PCDHA5: variants seen among roughly 807,000 people sequenced by gnomAD.
The protein encoded by PCDHA5 is protocadherin alpha-5.
In PCDHA5, 43 loss-of-function variants were observed where a neutral mutation model predicts 61.6. That is an observed-to-expected ratio of 0.70 (90% confidence interval 0.55 to 0.90). PCDHA5 has a LOEUF of 0.90. Among genes scored for constraint, PCDHA5 ranks in the 40% least tolerant of loss-of-function variants. The pLI, the probability that PCDHA5 is intolerant of heterozygous loss-of-function variation, is 0.00. For missense variants in PCDHA5, 1,298 were observed against 1,222.7 expected (o/e 1.06, Z -0.92); for synonymous variants, 627 against 543.9 (o/e 1.15, Z -2.13).
intron 2 of PCDHA5, 179 bp from the exon 3 acceptor site, chr5:140,982,296 C>G (rs886254601): frequency 8.6e-7 from 1 of 1,167,014 alleles, no homozygotes; most frequent in African/African-American, 1.5e-5. Context: ...AGTAAGTCAG[C>G]AATGCTTCTG....
intron 3 of PCDHA5, among the ~76,000 whole-genome samples, chr5:140,995,158 A>G (rs1554254485): frequency 6.6e-6 from 1 of 152,180 alleles, no homozygotes; most frequent in African/African-American, 2.4e-5. Flanking sequence ...TATATACATT[A>G]TGTTCTTTCA....
chr5:140,863,699 T>C, intron 1 of PCDHA5: 1 of 299,368 alleles, frequency 3.3e-6, no homozygotes, highest in Non-Finnish European at 6.5e-6. Context: ...GATGCTTTAT[T>C]TAAAGTACAC....
At chr5:140,928,610 C>T (rs935238036) in intron 1 of PCDHA5, 1 of 1,614,254 alleles carries the variant, frequency 6.2e-7, no homozygotes, top group Non-Finnish European at 8.5e-7. Flanking sequence ...GTGCCCCGCT[C>T]TGCCAGGACT....
chr5:140,844,506 G>T (rs1779414039), intron 1 of PCDHA5, among the ~76,000 whole-genome samples: 1 of 148,856 alleles, frequency 6.7e-6, no homozygotes, highest in South Asian at 2.1e-4. Context: ...CTTTATTCTT[G>T]CAAGTATCTT....
At chr5:140,909,926 A>G (rs781804027) in intron 1 of PCDHA5, among the ~76,000 whole-genome samples, 4 of 152,190 alleles carry the variant, frequency 2.6e-5, no homozygotes, top group Admixed American at 2.6e-4. Flanking sequence ...CCTTTCCCCA[A>G]TCACAGTTAC....
chr5:140,938,875 C>T (rs2092238013), intron 1 of PCDHA5, among the ~76,000 whole-genome samples: 1 of 151,912 alleles, frequency 6.6e-6, no homozygotes. Flanking sequence ...AGTTAAGAAG[C>T]AACACACACA....
chr5:140,851,315 T>C (rs2042026513), intron 1 of PCDHA5: 1 of 992,586 alleles, frequency 1.0e-6, no homozygotes, highest in African/African-American at 1.7e-5. Context: ...AATTGTTACC[T>C]TGTTAAGTTT....
chr5:140,887,101 CT>C (rs200717289), intron 1 of PCDHA5, among the ~76,000 whole-genome samples: 3,245 of 145,086 alleles, frequency 0.022, 87 homozygotes, highest in African/African-American at 0.074. Flanking sequence ...ATCTTTATCT[CT>C]TTTTTTTTTT....
chr5:140,835,675 G>A (rs2150241595), intron 1 of PCDHA5: 3 of 1,613,800 alleles, frequency 1.9e-6, no homozygotes, highest in Admixed American at 1.7e-5. Context: ...CGGGACGGGG[G>A]CTCGCCTTCT....
chr5:140,824,919 C>G (rs1554130098), intron 1 of PCDHA5: 3 of 152,056 alleles, frequency 2.0e-5, no homozygotes, highest in African/African-American at 7.2e-5. Flanking sequence ...CCTGTATACC[C>G]ATGATGAATT....
rs782773036 is a variant in PCDHA5 at position 140,870,430 on chromosome 5, G to T, written c.2352+46303G>T. 3 of 1,614,226 alleles carry T rather than the reference G, an allele frequency of 1.9e-6. No homozygotes were observed. In the African/African-American group the frequency reaches 4.0e-5, roughly 22 times the overall value. The stretch of plus-strand genomic sequence containing the variant: ...GTGGGCCACGGCCAGGGTATCCGTG[G>T]AGGTGGCCGACGTGAACGACAATGC... On this transcript the variant is annotated intron_variant, in intron 1 of 3. Transcript: ENST00000529859.
chr5:140,883,507 G>T (rs782325165), intron 1 of PCDHA5: 1 of 1,614,200 alleles, frequency 6.2e-7, no homozygotes, highest in South Asian at 1.1e-5. Flanking sequence ...ACAGCGCCCT[G>T]GACCGCGAGA....
At chr5:140,863,966 A>G (rs1411552186) in intron 1 of PCDHA5, 1 of 154,822 alleles carries the variant, frequency 6.5e-6, no homozygotes, top group Non-Finnish European at 1.4e-5. Context: ...AGGCCACTGC[A>G]CTACAGCCTG....
At chr5:140,850,526 G>A (rs2150487958) in intron 1 of PCDHA5, 8 of 1,598,220 alleles carry the variant, frequency 5.0e-6, no homozygotes, top group Admixed American at 1.7e-5. Context: ...AGGCGCCAAA[G>A]TCATCGTCGC....
chr5:140,986,897 T>A (rs534075146), intron 3 of PCDHA5, among the ~76,000 whole-genome samples: 13 of 152,086 alleles, frequency 8.5e-5, no homozygotes, highest in Non-Finnish European at 1.9e-4. Flanking sequence ...TTAGGCCCTA[T>A]CCTAGACTAA....
At chr5:140,952,158 G>A (rs2094696814) in intron 1 of PCDHA5, among the ~76,000 whole-genome samples, 1 of 151,946 alleles carries the variant, frequency 6.6e-6, no homozygotes, top group Non-Finnish European at 1.5e-5. Flanking sequence ...GTGGCTTTGT[G>A]GGGTTCAGTT....
chr5:140,838,539 A>G (rs1185872182), intron 1 of PCDHA5, among the ~76,000 whole-genome samples: 1 of 151,946 alleles, frequency 6.6e-6, no homozygotes, highest in Admixed American at 6.6e-5. Context: ...TTATGGATAT[A>G]TCATGATTTA....
intron 1 of PCDHA5, chr5:140,856,284 A>C (rs1164216826): frequency 5.6e-6 from 9 of 1,598,362 alleles, no homozygotes; most frequent in Non-Finnish European, 7.7e-6. Context: ...GTAAATCTGC[A>C]GAATGGCATT....
rs1554151795 is a variant in PCDHA5, at chr5:140,858,568, T to C, written c.2352+34441T>C. On this transcript the variant is annotated intron_variant, in intron 1 of 3. Transcript: ENST00000529859. ...ATTTATGCTTGAATATTTCTAGTGA[T>C]ACCTTTGTAATATAATTTATTCCAG... 5.8e-6 allele frequency: 8 copies of C among 1,371,312 alleles called. 1 individual carries two copies. Among genetic ancestry groups the C allele is most frequent in the African/African-American group, 5.8e-5 (4 of 69,536 alleles). 84.9% of individuals were successfully genotyped at this position (1,371,312 alleles called of 1,614,324 possible).
Sources: allele counts gnomAD v4.1 joint callset (sites outside exome capture counted in the v4.1 genomes callset), GRCh38; gene constraint gnomAD v4.1.1; transcripts MANE v1.5; gene names NCBI Gene and HGNC (gene_info 2026-07-23, HGNC 2026-07-21).